The following NEK1 variants were observed in gnomAD, a reference collection of about 807,000 sequenced individuals.
The protein encoded by NEK1 is serine/threonine-protein kinase Nek1.
A neutral mutation model predicts 182.1 loss-of-function variants in NEK1; 137 were observed. The observed-to-expected ratio is 0.75, with a 90% CI of 0.65 to 0.87. The LOEUF (loss-of-function observed/expected upper bound fraction) is 0.87. Ranked by LOEUF, NEK1 falls within the 40% of genes least tolerant of loss-of-function variation. The probability of loss-of-function intolerance (pLI) is 0.00; values close to 1 mark genes in which losing one functional copy is unlikely to be tolerated. For synonymous variants in NEK1, 513 were observed against 492.2 expected, an observed-to-expected ratio of 1.04 and a Z score of -0.56; for missense variants, 1,391 against 1,494.4, an observed-to-expected ratio of 0.93 and a Z score of 1.14.
chr4:169,445,842 C>CTATATATATATA (rs1206499120), intron 27 of NEK1, among the ~76,000 whole-genome samples: 63 of 108,558 alleles, frequency 5.8e-4, no homozygotes, highest in African/African-American at 2.7e-3. Context: ...AACAAAACAA[C>CTATATATATATA]TATATACATA....
chr4:169,461,229 G>C (rs1236142773), intron 27 of NEK1, among the ~76,000 whole-genome samples: 1 of 152,066 alleles, frequency 6.6e-6, no homozygotes, highest in Non-Finnish European at 1.5e-5. Flanking sequence ...CTTTGTCTTT[G>C]CATATACTAG....
chr4:169,561,937 T>C, intron 13 of NEK1, 46 bp from the exon 14 acceptor site: 1 of 1,520,352 alleles, frequency 6.6e-7, no homozygotes, highest in Non-Finnish European at 8.9e-7. Context: ...ATTCCTGTTT[T>C]TTCTAGTTTC....
intron 23 of NEK1, among the ~76,000 whole-genome samples, chr4:169,495,837 G>C (rs1751147735): frequency 6.6e-6 from 1 of 152,158 alleles, no homozygotes; most frequent in East Asian, 1.9e-4. Context: ...CAGGTAGTGT[G>C]ATGCCTCCAG....
At chr4:169,578,068 A>T (rs1353070137) in intron 11 of NEK1, among the ~76,000 whole-genome samples, 1 of 152,190 alleles carries the variant, frequency 6.6e-6, no homozygotes, top group Non-Finnish European at 1.5e-5. Context: ...TTGATTATTA[A>T]AGAAATAATC....
intron 18 of NEK1, among the ~76,000 whole-genome samples, chr4:169,547,610 C>G (rs1331447993): frequency 6.6e-6 from 1 of 152,152 alleles, no homozygotes; most frequent in East Asian, 1.9e-4. Context: ...TCAGGTACAC[C>G]AAACAAATGT....
At chr4:169,457,130 G>A (rs552279171) in intron 27 of NEK1, among the ~76,000 whole-genome samples, 2 of 152,250 alleles carry the variant, frequency 1.3e-5, no homozygotes, top group Admixed American at 6.5e-5. Context: ...GAATGTATAT[G>A]ATCCAGTATT....
intron 31 of NEK1, among the ~76,000 whole-genome samples, chr4:169,424,327 G>GT (rs1735987689): frequency 6.6e-6 from 1 of 152,020 alleles, no homozygotes; most frequent in South Asian, 2.1e-4. Context: ...TTTTGCTCAA[G>GT]TAAAAGACTC....
chr4:169,501,842 T>C (rs1307607074), intron 23 of NEK1, among the ~76,000 whole-genome samples: 3 of 151,952 alleles, frequency 2.0e-5, no homozygotes, highest in African/African-American at 4.8e-5. Context: ...CTACAGGAAC[T>C]AGAAGAACAA....
rs148158013 is a variant in NEK1, at chr4:169,510,466, T to C, written c.1666-1614A>G. Among the ~76,000 whole-genome samples the C allele has an allele frequency of 1.2e-4, 19 of 152,266 alleles. No homozygotes were observed. The East Asian group carries it at 3.5e-3, about 28-fold the overall frequency. On this transcript the variant is annotated intron_variant, in intron 19 of 35. Coordinates refer to ENST00000507142, the MANE Select transcript of NEK1 (RefSeq NM_001199397.3). ...CAAATATGCCAAATTACCAATTCTA[T>C]CTCCTAATAATTCTATAATTGATCA...
chr4:169,541,490 TACTACC>T (rs1759406963), intron 18 of NEK1, among the ~76,000 whole-genome samples: 1 of 152,022 alleles, frequency 6.6e-6, no homozygotes. Context: ...GAAAAATAAC[TACTACC>T]ATAAAGAAGA....
intron 27 of NEK1, among the ~76,000 whole-genome samples, chr4:169,439,220 G>T (rs1439933777): frequency 6.6e-6 from 1 of 152,140 alleles, no homozygotes; most frequent in Non-Finnish European, 1.5e-5. Flanking sequence ...AATGGTTGAA[G>T]AAAAACAGAA....
At chr4:169,494,045 G>T (rs1185014126) in intron 23 of NEK1, among the ~76,000 whole-genome samples, 1 of 150,438 alleles carries the variant, frequency 6.6e-6, no homozygotes, top group African/African-American at 2.4e-5. Context: ...CTAGAGAAAA[G>T]AACCAAATTG....
Position 169,476,448 on chromosome 4 carries a change from A to T in NEK1, c.2434+676T>A, listed in dbSNP as rs183016367. 1.2e-4 allele frequency among the ~76,000 whole-genome samples: 18 copies of T among 152,272 alleles called. No individual in the cohort carries two copies. The East Asian group carries it at 2.7e-3, about 23-fold the overall frequency. Reference sequence around the variant, plus strand: ...TTCCCATTGCTTAAGAGTGTATTACATATGGTAGGTACCCAATAAAGAACT... The same window carrying T: ...TTCCCATTGCTTAAGAGTGTATTACTTATGGTAGGTACCCAATAAAGAACT... On this transcript the variant is annotated intron_variant, in intron 26 of 35. Coordinates refer to ENST00000507142, the MANE Select transcript of NEK1 (RefSeq NM_001199397.3).
At chr4:169,611,143 G>C (rs1463351588) in intron 2 of NEK1, among the ~76,000 whole-genome samples, 1 of 152,192 alleles carries the variant, frequency 6.6e-6, no homozygotes, top group Non-Finnish European at 1.5e-5. Flanking sequence ...CTAGAAGGCA[G>C]GAGATTAGAC....
chr4:169,590,123 C>G (rs1768195757), intron 6 of NEK1, among the ~76,000 whole-genome samples: 1 of 152,130 alleles, frequency 6.6e-6, no homozygotes, highest in South Asian at 2.1e-4. Context: ...GCCTGGCCAA[C>G]ATGGTGAAAC....
intron 12 of NEK1, among the ~76,000 whole-genome samples, chr4:169,571,184 AAATAAATAAAT>A (rs1561437395): frequency 2.5e-4 from 20 of 79,400 alleles, no homozygotes; most frequent in Non-Finnish European, 4.0e-4. Flanking sequence ...ATAAAAAAAT[AAATAAATAAAT>A]AAATAAATAA....
intron 31 of NEK1, among the ~76,000 whole-genome samples, chr4:169,418,918 C>A (rs1490985602): frequency 6.6e-6 from 1 of 152,024 alleles, no homozygotes; most frequent in Non-Finnish European, 1.5e-5. Flanking sequence ...AGGATAAACA[C>A]ACACACATTA....
At chr4:169,540,989 C>T (rs1338747571) in intron 18 of NEK1, among the ~76,000 whole-genome samples, 1 of 151,920 alleles carries the variant, frequency 6.6e-6, no homozygotes, top group Non-Finnish European at 1.5e-5. Context: ...CTGCATGCCT[C>T]ACATCCATGG....
chr4:169,537,707 G>C (rs560710671), intron 19 of NEK1, 102 bp downstream of exon 19: 1 of 881,534 alleles, frequency 1.1e-6, no homozygotes, highest in African/African-American at 1.7e-5. Context: ...ATTATGCCTA[G>C]ATTGTTAGAC....
Sources: allele counts gnomAD v4.1 joint callset (sites outside exome capture counted in the v4.1 genomes callset), GRCh38; gene constraint gnomAD v4.1.1; transcripts MANE v1.5; gene names NCBI Gene and HGNC (gene_info 2026-07-23, HGNC 2026-07-21).